Variants in RNF150 observed in about 807,000 individuals in gnomAD.
The protein encoded by RNF150 is ring finger protein 150.
Under a neutral mutation model 39.3 loss-of-function variants are expected in RNF150, and 24 were observed. That is an observed-to-expected ratio of 0.61 (90% CI 0.44 to 0.86). RNF150 has a LOEUF of 0.86. RNF150 is among the 40% of genes least tolerant of loss of function. RNF150 has a pLI of 0.00. For missense variants in RNF150, 502 were observed against 587.8 expected (o/e 0.85, Z 1.51); for synonymous variants, 255 against 227.3 (o/e 1.12, Z -1.10).
intron 4 of RNF150, among the ~76,000 whole-genome samples, chr4:140,942,326 G>C (rs769065810): frequency 6.6e-6 from 1 of 152,210 alleles, no homozygotes; most frequent in Non-Finnish European, 1.5e-5. Flanking sequence ...CAGTGATGGA[G>C]CCCGCCTCAG....
intron 1 of RNF150, among the ~76,000 whole-genome samples, chr4:141,067,377 T>C (rs1344962857): frequency 6.6e-6 from 1 of 152,170 alleles, no homozygotes; most frequent in Non-Finnish European, 1.5e-5. Flanking sequence ...AAACTCTGGG[T>C]TAATAGAGTC....
At chr4:141,016,660 T>C (rs1288551364) in intron 1 of RNF150, among the ~76,000 whole-genome samples, 9 of 152,154 alleles carry the variant, frequency 5.9e-5, no homozygotes, top group African/African-American at 2.2e-4. Context: ...AATTTCCAAA[T>C]CATCTGGACA....
intron 1 of RNF150, among the ~76,000 whole-genome samples, chr4:141,104,094 T>C (rs1739114222): frequency 6.6e-6 from 1 of 152,172 alleles, no homozygotes; most frequent in Non-Finnish European, 1.5e-5. Context: ...GGCTTGGGGT[T>C]CTAGGGGAAA....
chr4:141,068,404 T>C (rs1310259143), intron 1 of RNF150, among the ~76,000 whole-genome samples: 2 of 152,228 alleles, frequency 1.3e-5, no homozygotes, highest in East Asian at 3.8e-4. Context: ...CTCTGTTCTG[T>C]TCCATTCATC....
At chr4:141,103,128 T>C (rs564793771) in intron 1 of RNF150, among the ~76,000 whole-genome samples, 2 of 152,314 alleles carry the variant, frequency 1.3e-5, no homozygotes, top group African/African-American at 2.4e-5. Flanking sequence ...GCTCTAGATA[T>C]TGTGCATCCC....
intron 1 of RNF150, among the ~76,000 whole-genome samples, chr4:141,186,322 G>A (rs139477024): frequency 0.037 from 5,579 of 152,278 alleles, 339 homozygotes; most frequent in African/African-American, 0.12. Flanking sequence ...TTGCATAGAG[G>A]TGTTCATAGT....
chr4:140,960,615 A>T (rs1259707772), intron 2 of RNF150, among the ~76,000 whole-genome samples: 1 of 152,140 alleles, frequency 6.6e-6, no homozygotes, highest in Non-Finnish European at 1.5e-5. Flanking sequence ...TTGATCAACA[A>T]TGGCCAATAA....
intron 1 of RNF150, among the ~76,000 whole-genome samples, chr4:141,205,433 G>C (rs1015924495): frequency 2.6e-5 from 4 of 152,096 alleles, no homozygotes; most frequent in Admixed American, 2.6e-4. Flanking sequence ...ATGAGAATTG[G>C]GTTTGGAAAG....
chr4:141,053,441 A>G (rs1287568113), intron 1 of RNF150, among the ~76,000 whole-genome samples: 1 of 152,216 alleles, frequency 6.6e-6, no homozygotes, highest in African/African-American at 2.4e-5. Flanking sequence ...GGAGTGATAT[A>G]TGAGTTGGTA....
chr4:141,133,238 G>A lies in RNF150; in HGVS notation c.-430C>T. 9.6e-6 allele frequency: 2 copies of A among 209,288 alleles called. No individual in the cohort carries two copies. The highest frequency in any genetic ancestry group is 1.5e-4 in the South Asian group (2 of 13,088). 13.0% of individuals were successfully genotyped at this position (209,288 alleles called of 1,614,324 possible). ...ATTGCTCGTAGTCTGGGGTGCTGCG[G>A]TGCGGGGTGCTGCCCAGGGTGTCCC... On this transcript the variant is annotated 5_prime_UTR_variant, in exon 1 of 7. Transcript: ENST00000515673.
intron 1 of RNF150, among the ~76,000 whole-genome samples, chr4:141,008,882 T>C (rs978986920): frequency 1.3e-5 from 2 of 152,170 alleles, no homozygotes; most frequent in African/African-American, 4.8e-5. Flanking sequence ...ATCCAGGTTA[T>C]CCTAAGCGCT....
At chr4:141,120,399 T>C (rs530515452) in intron 1 of RNF150, among the ~76,000 whole-genome samples, 14 of 152,286 alleles carry the variant, frequency 9.2e-5, no homozygotes, top group Non-Finnish European at 1.9e-4. Flanking sequence ...GGGTGGTGAC[T>C]GGGTACTCTT....
intron 4 of RNF150, among the ~76,000 whole-genome samples, chr4:140,942,183 A>C (rs1732114490): frequency 6.6e-6 from 1 of 152,188 alleles, no homozygotes; most frequent in Non-Finnish European, 1.5e-5. Flanking sequence ...ACCAAAAAAC[A>C]AAAAACAAAC....
chr4:140,918,361 G>A (rs1002216433), intron 5 of RNF150, among the ~76,000 whole-genome samples: 5 of 152,006 alleles, frequency 3.3e-5, no homozygotes, highest in South Asian at 2.1e-4. Context: ...TATCACCACC[G>A]ATCCCACAGA....
chr4:140,901,251 T>G (rs954067944), intron 6 of RNF150, among the ~76,000 whole-genome samples: 1 of 152,236 alleles, frequency 6.6e-6, no homozygotes, highest in South Asian at 2.1e-4. Flanking sequence ...CTATTTCATC[T>G]TTCTCTGATG....
chr4:140,873,553 T>C (rs530044414), intron 6 of RNF150, among the ~76,000 whole-genome samples: 1 of 152,332 alleles, frequency 6.6e-6, no homozygotes, highest in East Asian at 1.9e-4. Flanking sequence ...AAAGAGAGAC[T>C]ATAGTATTAC....
At chr4:141,142,027 T>G (rs1017450090) in intron 1 of RNF150, among the ~76,000 whole-genome samples, 5 of 152,152 alleles carry the variant, frequency 3.3e-5, no homozygotes, top group African/African-American at 1.2e-4. Flanking sequence ...AACTTCACAT[T>G]GGCAGCTGTA....
intron 2 of RNF150, among the ~76,000 whole-genome samples, chr4:140,955,443 C>T (rs974854779): frequency 2.6e-5 from 4 of 152,068 alleles, no homozygotes; most frequent in Admixed American, 2.6e-4. Context: ...GTGACTTTGG[C>T]CAAGTCACTT....
chr4:140,943,435 T>G (rs965309005), intron 4 of RNF150, among the ~76,000 whole-genome samples: 1 of 152,190 alleles, frequency 6.6e-6, no homozygotes, highest in Non-Finnish European at 1.5e-5. Context: ...TATTTAAATA[T>G]TTACCCATTT....
Sources: allele counts gnomAD v4.1 joint callset (sites outside exome capture counted in the v4.1 genomes callset), GRCh38; gene constraint gnomAD v4.1.1; transcripts MANE v1.5; gene names NCBI Gene and HGNC (gene_info 2026-07-23, HGNC 2026-07-21).